MACROD2: variants seen among roughly 807,000 people sequenced by gnomAD.
The protein encoded by MACROD2 is ADP-ribose glycohydrolase MACROD2.
A neutral mutation model predicts 70.4 loss-of-function variants in MACROD2; 36 were observed. The observed-to-expected ratio is 0.51, with a 90% CI of 0.39 to 0.68. The LOEUF (loss-of-function observed/expected upper bound fraction) is 0.68. Ranked by LOEUF, MACROD2 falls within the 30% of genes least tolerant of loss-of-function variation. The pLI, the probability that MACROD2 is intolerant of heterozygous loss-of-function variation, is 0.00. For missense variants in MACROD2, 496 were observed against 538.4 expected (o/e 0.92, Z 0.78); for synonymous variants, 172 against 178.8 (o/e 0.96, Z 0.30).
intron 8 of MACROD2, among the ~76,000 whole-genome samples, chr20:15,838,691 T>A (rs552906949): frequency 2.0e-5 from 3 of 152,262 alleles, no homozygotes; most frequent in African/African-American, 7.2e-5. Context: ...AGTTTTTGGA[T>A]CCCACACGCA....
chr20:14,628,423 T>C (rs1161501133), intron 4 of MACROD2, among the ~76,000 whole-genome samples: 4 of 152,180 alleles, frequency 2.6e-5, no homozygotes, highest in Non-Finnish European at 5.9e-5. Flanking sequence ...ATCCTGAGAT[T>C]TGAAGGAATT....
intron 3 of MACROD2, among the ~76,000 whole-genome samples, chr20:14,293,208 T>C (rs532266295): frequency 2.6e-5 from 4 of 151,848 alleles, no homozygotes; most frequent in South Asian, 4.2e-4. Flanking sequence ...CCATATGCTA[T>C]TCTAGGCACT....
intron 5 of MACROD2, among the ~76,000 whole-genome samples, chr20:14,798,316 T>A (rs1017853160): frequency 2.0e-5 from 3 of 152,072 alleles, no homozygotes; most frequent in African/African-American, 7.2e-5. Context: ...AAAAGTCTAA[T>A]TTTTTTCCCT....
At chr20:14,080,503 CAA>C (rs1304558044) in intron 2 of MACROD2, among the ~76,000 whole-genome samples, 1 of 106,734 alleles carries the variant, frequency 9.4e-6, no homozygotes, top group Non-Finnish European at 2.0e-5. Context: ...TCCAGTAAAA[CAA>C]ACTCAAAAAG....
intron 5 of MACROD2, among the ~76,000 whole-genome samples, chr20:14,862,660 T>C (rs1377461058): frequency 4.5e-5 from 2 of 44,676 alleles, no homozygotes; most frequent in Non-Finnish European, 7.7e-5. Context: ...TATATAAATA[T>C]ATATATAAAT....
chr20:15,947,342 C>A (rs182344666), intron 12 of MACROD2, among the ~76,000 whole-genome samples: 30 of 152,276 alleles, frequency 2.0e-4, no homozygotes, highest in Non-Finnish European at 3.8e-4. Context: ...ACCCAGCTTT[C>A]CAGGGCAGAG....
Position 14,697,375 on chromosome 20 carries a change from A to G in MACROD2, c.418+12416A>G, listed in dbSNP as rs149671248. Among the ~76,000 whole-genome samples, 100 of 152,362 alleles carry G rather than the reference A, an allele frequency of 6.6e-4. 1 individual carries two copies. Among genetic ancestry groups the G allele is most frequent in the African/African-American group, 2.3e-3 (95 of 41,586 alleles). ...GAGCTTTGTACATAGAATATTCCAT[A>G]GTTAGAATGATCCATACAGCTATGC... On this transcript the variant is annotated intron_variant, in intron 5 of 17. Coordinates refer to ENST00000684519, the MANE Select transcript of MACROD2 (RefSeq NM_001351661.2).
intron 8 of MACROD2, among the ~76,000 whole-genome samples, chr20:15,524,151 C>G (rs1322170887): frequency 6.6e-6 from 1 of 152,124 alleles, no homozygotes; most frequent in Non-Finnish European, 1.5e-5. Flanking sequence ...CACCGAGGTC[C>G]TTGTTCTCTC....
intron 5 of MACROD2, among the ~76,000 whole-genome samples, chr20:14,724,707 G>A (rs1028505331): frequency 6.6e-6 from 1 of 152,116 alleles, no homozygotes; most frequent in Non-Finnish European, 1.5e-5. Context: ...AGGCAAAAAG[G>A]CCAGTGAGAC....
At chr20:14,161,182 T>C (rs1228271152) in intron 3 of MACROD2, among the ~76,000 whole-genome samples, 1 of 143,528 alleles carries the variant, frequency 7.0e-6, no homozygotes, top group Non-Finnish European at 1.5e-5. Flanking sequence ...CATTCTTTTT[T>C]TTCTTTTTCT....
chr20:14,395,933 T>A (rs1402867426), intron 3 of MACROD2, among the ~76,000 whole-genome samples: 2 of 152,198 alleles, frequency 1.3e-5, no homozygotes, highest in Non-Finnish European at 2.9e-5. Context: ...TTTATTTTTG[T>A]TTTTAGAGAC....
chr20:14,073,340 A>G (rs78174386), intron 2 of MACROD2, among the ~76,000 whole-genome samples: 2,499 of 152,228 alleles, frequency 0.016, 62 homozygotes, highest in African/African-American at 0.058. Context: ...ATCTCAAAAA[A>G]AAAAAATGAA....
intron 3 of MACROD2, among the ~76,000 whole-genome samples, chr20:14,362,182 A>G (rs1408472579): frequency 6.6e-6 from 1 of 152,246 alleles, no homozygotes; most frequent in Admixed American, 6.5e-5. Flanking sequence ...AATATATCAT[A>G]TGTTAATAAT....
At chr20:16,025,387 C>T (rs2067063558) in intron 15 of MACROD2, among the ~76,000 whole-genome samples, 2 of 152,198 alleles carry the variant, frequency 1.3e-5, no homozygotes, top group South Asian at 4.1e-4. Context: ...TGTCAACATT[C>T]TGAAAAAAGC....
intron 8 of MACROD2, among the ~76,000 whole-genome samples, chr20:15,785,802 AC>A (rs1395930555): frequency 1.3e-5 from 2 of 152,128 alleles, no homozygotes; most frequent in East Asian, 3.9e-4. Context: ...CAAAATAGCC[AC>A]CCTAACTTTA....
intron 5 of MACROD2, among the ~76,000 whole-genome samples, chr20:15,083,762 A>G (rs2075723282): frequency 6.6e-6 from 1 of 152,156 alleles, no homozygotes; most frequent in African/African-American, 2.4e-5. Context: ...GAAATCATAC[A>G]TCATGGGTGG....
intron 5 of MACROD2, among the ~76,000 whole-genome samples, chr20:14,995,403 C>T (rs559557032): frequency 5.9e-5 from 9 of 151,840 alleles, no homozygotes; most frequent in East Asian, 3.9e-4. Flanking sequence ...GGGTCAGGTG[C>T]GGTGGCTCAC....
intron 5 of MACROD2, among the ~76,000 whole-genome samples, chr20:14,944,938 C>G (rs2074418499): frequency 6.6e-6 from 1 of 152,056 alleles, no homozygotes; most frequent in South Asian, 2.1e-4. Flanking sequence ...TGTGGAAACG[C>G]CAATTCCTGC....
intron 3 of MACROD2, among the ~76,000 whole-genome samples, chr20:14,232,253 T>TA (rs1261549156): frequency 6.6e-6 from 1 of 152,220 alleles, no homozygotes; most frequent in African/African-American, 2.4e-5. Context: ...TTTAGAATGT[T>TA]AAACAAGCAT....
Sources: gnomAD v4.1 joint callset for allele counts (sites outside exome capture counted in the v4.1 genomes callset) on GRCh38, gnomAD v4.1.1 for gene constraint, MANE v1.5 for transcripts, NCBI Gene and HGNC (gene_info 2026-07-23, HGNC 2026-07-21) for gene names.